Variants in FNDC3A observed in about 807,000 individuals in gnomAD.
FNDC3A encodes fibronectin type III domain containing 3A.
Under a neutral mutation model 148.9 loss-of-function variants are expected in FNDC3A, and 32 were observed. The ratio of observed to expected loss-of-function variants is 0.21; its 90% CI spans 0.16 to 0.29. The LOEUF (loss-of-function observed/expected upper bound fraction) is 0.29, where lower values mean the gene tolerates loss of function less well. Among genes scored for constraint, FNDC3A ranks in the 10% least tolerant of loss-of-function variants. The pLI is 1.00. For missense variants in FNDC3A, 1,191 were observed against 1,452.8 expected (o/e 0.82, Z 2.93); for synonymous variants, 472 against 473.6 (o/e 1.00, Z 0.04).
In FNDC3A at chr13:49,010,404, A is replaced by C. The variant is rs76430828; in HGVS notation, c.99+4115A>C. On this transcript the variant is annotated intron_variant, in intron 2 of 25. Transcript: ENST00000492622. ...GGCCAAGCCTTTTGTTATCTGTAAG[A>C]ATTGGCTATCCCTACAAGGGGCCAT... 2.4e-3 allele frequency among the ~76,000 whole-genome samples: 364 copies of C among 152,272 alleles called. 13 individuals are homozygous for C. In the East Asian group the frequency reaches 0.061, roughly 26 times the overall value.
intron 2 of FNDC3A, among the ~76,000 whole-genome samples, chr13:49,023,204 TA>T (rs1231137342): frequency 6.6e-6 from 1 of 152,002 alleles, no homozygotes; most frequent in Non-Finnish European, 1.5e-5. Context: ...ATTTAGTTTT[TA>T]TATTTGGCAC....
At chr13:49,027,475 T>C (rs749872099) in intron 2 of FNDC3A, among the ~76,000 whole-genome samples, 11 of 152,196 alleles carry the variant, frequency 7.2e-5, no homozygotes, top group Non-Finnish European at 2.9e-5. Flanking sequence ...AATTTTTTTC[T>C]GTCTGATTTA....
chr13:49,006,916 A>G (rs1439537158), intron 2 of FNDC3A, among the ~76,000 whole-genome samples: 1 of 152,100 alleles, frequency 6.6e-6, no homozygotes, highest in Non-Finnish European at 1.5e-5. Context: ...AACAAACACT[A>G]AAAACATAAT....
At chr13:49,110,160 C>A (rs558519243) in intron 3 of FNDC3A, 2 of 157,054 alleles carry the variant, frequency 1.3e-5, no homozygotes, top group East Asian at 3.9e-4. Flanking sequence ...ATCATTTAAT[C>A]TTTTTTTTCC....
chr13:48,977,170 G>C (rs1182753913), intron 1 of FNDC3A, among the ~76,000 whole-genome samples: 1 of 152,112 alleles, frequency 6.6e-6, no homozygotes, highest in African/African-American at 2.4e-5. Flanking sequence ...AGAGTCGCAG[G>C]CTGATGAGAT....
intron 2 of FNDC3A, among the ~76,000 whole-genome samples, chr13:49,068,030 T>G (rs947200924): frequency 6.6e-6 from 1 of 152,162 alleles, no homozygotes; most frequent in African/African-American, 2.4e-5. Context: ...CAGTCTACTT[T>G]CAAAATTTTA....
chr13:48,976,540 C>T, intron 1 of FNDC3A: 1 of 152,546 alleles, frequency 6.6e-6, no homozygotes, highest in Non-Finnish European at 1.5e-5. Context: ...TCTCTCTGTC[C>T]CCCGCCTCCT....
intron 3 of FNDC3A, among the ~76,000 whole-genome samples, chr13:49,099,322 C>G (rs77781780): frequency 4.6e-5 from 7 of 152,094 alleles, no homozygotes; most frequent in Non-Finnish European, 7.4e-5. Flanking sequence ...AAATCATTCT[C>G]TCTTCCTGAC....
At chr13:49,045,275 T>G (rs1365978644) in intron 2 of FNDC3A, among the ~76,000 whole-genome samples, 1 of 152,108 alleles carries the variant, frequency 6.6e-6, no homozygotes, top group Non-Finnish European at 1.5e-5. Context: ...TGCCTCAGTC[T>G]CCCGAGTAGC....
chr13:49,164,904 C>G (rs1884372203), intron 8 of FNDC3A, among the ~76,000 whole-genome samples: 1 of 152,244 alleles, frequency 6.6e-6, no homozygotes, highest in Non-Finnish European at 1.5e-5. Context: ...TTCCAGAGAC[C>G]TGACTTCACA....
intron 2 of FNDC3A, among the ~76,000 whole-genome samples, chr13:49,015,806 G>A (rs1431154363): frequency 4.0e-5 from 6 of 151,746 alleles, no homozygotes; most frequent in African/African-American, 7.3e-5. Context: ...AGAGTTTTTA[G>A]CATGAAGCGT....
chr13:49,146,093 T>C, intron 8 of FNDC3A, 158 bp downstream of exon 8: 2 of 577,292 alleles, frequency 3.5e-6, no homozygotes, highest in Non-Finnish European at 6.0e-6. Flanking sequence ...GGTCCAAATG[T>C]AGCTTGGTAC....
chr13:49,113,186 T>G (rs1385568727), intron 3 of FNDC3A, among the ~76,000 whole-genome samples: 2 of 150,778 alleles, frequency 1.3e-5, no homozygotes, highest in Non-Finnish European at 3.0e-5. Context: ...TTCTTATCCC[T>G]CCCTTTTCTT....
intron 2 of FNDC3A, among the ~76,000 whole-genome samples, chr13:49,011,400 A>G (rs1952342442): frequency 6.6e-6 from 1 of 152,046 alleles, no homozygotes; most frequent in South Asian, 2.1e-4. Flanking sequence ...CACCAGGCTA[A>G]TTTTTGTATT....
chr13:48,980,696 C>G (rs1951679014), intron 1 of FNDC3A, among the ~76,000 whole-genome samples: 1 of 152,048 alleles, frequency 6.6e-6, no homozygotes, highest in Admixed American at 6.6e-5. Flanking sequence ...GTTCTGTTTC[C>G]TTCAGTATAC....
At chr13:49,015,087 T>G (rs1243836066) in intron 2 of FNDC3A, among the ~76,000 whole-genome samples, 1 of 152,210 alleles carries the variant, frequency 6.6e-6, no homozygotes, top group Non-Finnish European at 1.5e-5. Flanking sequence ...TGCGGTCTCT[T>G]TTTAGGTTCC....
At chr13:49,087,422 G>A (rs541578518) in intron 3 of FNDC3A, among the ~76,000 whole-genome samples, 3 of 152,174 alleles carry the variant, frequency 2.0e-5, no homozygotes, top group East Asian at 1.9e-4. Flanking sequence ...ATTTTATTAC[G>A]TAGGTAGAAA....
In FNDC3A at chr13:48,986,385, G is replaced by GTTTTTTTTTTTTTTT. The variant is rs869031197; in HGVS notation, c.-40+10222_-40+10236dup. Among the ~76,000 whole-genome samples the GTTTTTTTTTTTTTTT allele has an allele frequency of 9.2e-5, 5 of 54,420 alleles. 1 individual carries two copies. The highest frequency in any genetic ancestry group is 2.3e-4 in the African/African-American group (3 of 12,850). 35.7% of individuals were successfully genotyped at this position (54,420 alleles called of 152,430 possible). ...AAGACAGAGTAAGGAGAAGGAAGTT[G>GTTTTTTTTTTTTTTT]TTTTTTTTTTTTTTTTTTTTTTTTT... On this transcript the variant is annotated intron_variant, in intron 1 of 25. Transcript: ENST00000492622.
intron 2 of FNDC3A, among the ~76,000 whole-genome samples, chr13:49,056,773 C>T (rs1158754663): frequency 1.3e-5 from 2 of 152,250 alleles, no homozygotes; most frequent in East Asian, 3.9e-4. Context: ...CTTCTTAAAT[C>T]TGCAGTCTGT....
Sources: gnomAD v4.1 joint callset for allele counts (sites outside exome capture counted in the v4.1 genomes callset) on GRCh38, gnomAD v4.1.1 for gene constraint, MANE v1.5 for transcripts, NCBI Gene and HGNC (gene_info 2026-07-23, HGNC 2026-07-21) for gene names.